The following LCP2 variants were observed in gnomAD, a reference collection of about 807,000 sequenced individuals.
LCP2 encodes the protein 76 kDa tyrosine phosphoprotein.
In LCP2, 29 loss-of-function variants were observed where a neutral mutation model predicts 74.5. The ratio of observed to expected loss-of-function variants is 0.39; its 90% CI spans 0.29 to 0.53. The LOEUF is 0.53. LCP2 is among the 20% of genes least tolerant of loss of function. LCP2 has a pLI of 0.72. For synonymous variants in LCP2, 228 were observed against 229.5 expected (o/e 0.99, Z 0.06); for missense variants, 604 against 634.6 (o/e 0.95, Z 0.52).
Position 170,246,281 on chromosome 5 carries a change from C to T in LCP2, c.*2416G>A, listed in dbSNP as rs1436717125. 23 of 559,830 alleles carry T rather than the reference C, an allele frequency of 4.1e-5. No homozygotes were observed. Among genetic ancestry groups the T allele is most frequent in the Middle Eastern group, 4.9e-4 (1 of 2,030 alleles). 34.7% of individuals were successfully genotyped at this position (559,830 alleles called of 1,614,324 possible). ...ATGTTTTGAAGAATGGCTTAACTTACGTCACTAATGGCAAGTGTATGACAT... is the reference window on the plus strand; with the variant it reads ...ATGTTTTGAAGAATGGCTTAACTTATGTCACTAATGGCAAGTGTATGACAT... On this transcript the variant is annotated 3_prime_UTR_variant, in exon 21 of 21. Coordinates refer to ENST00000046794, the MANE Select transcript of LCP2 (RefSeq NM_005565.5).
Position 170,260,342 on chromosome 5 carries a change from C to T in LCP2, c.957+765G>A, listed in dbSNP as rs993910612. On this transcript the variant is annotated intron_variant, in intron 14 of 20. Coordinates refer to ENST00000046794, the MANE Select transcript of LCP2 (RefSeq NM_005565.5). ...AGCACAGAGCTGCAAAAATAGCAGG[C>T]GCTTTTGGGCTGAGCCCTTGAATGA... 3.9e-5 allele frequency among the ~76,000 whole-genome samples: 6 copies of T among 152,292 alleles called. No homozygotes were observed. In the East Asian group the frequency reaches 5.8e-4, roughly 15 times the overall value.
In LCP2 at chr5:170,275,854, G is replaced by C. The variant is rs539631752; in HGVS notation, c.195C>G (p.Leu65=). ...QKFPKLRVPI[L]SKLSQEINKN... ...TGTTGATTTCCTGACTTAACTTACT[G>C]AGAATCCTGCAAGATAAAGAGACAG... is the stretch of plus-strand genomic sequence containing the variant. The change falls in exon 4 of 21, where the codon CTC becomes CTG. Residue 65 remains leucine (L), a synonymous_variant. Transcript: ENST00000046794. 5 of 1,570,192 alleles carry C rather than the reference G, an allele frequency of 3.2e-6. No homozygotes were observed. In the East Asian group the frequency reaches 1.2e-4, roughly 36 times the overall value.
intron 2 of LCP2, among the ~76,000 whole-genome samples, chr5:170,291,154 G>C (rs1762288362): frequency 6.9e-6 from 1 of 144,996 alleles, no homozygotes; most frequent in Non-Finnish European, 1.5e-5. Flanking sequence ...AAGGGGAGAG[G>C]GGAGGACAAG....
chr5:170,274,181 G>C, intron 6 of LCP2, 120 bp downstream of exon 6: 2 of 1,045,078 alleles, frequency 1.9e-6, no homozygotes, highest in Non-Finnish European at 2.9e-6. Flanking sequence ...TCTGGGCCCT[G>C]GGTGGGTGTG....
intron 1 of LCP2, among the ~76,000 whole-genome samples, chr5:170,296,638 C>T (rs1447013567): frequency 2.6e-5 from 4 of 152,250 alleles, no homozygotes; most frequent in East Asian, 1.9e-4. Flanking sequence ...CATCTTACCA[C>T]ATGGTCAGGG....
chr5:170,265,258 A>T (rs1353442284), intron 10 of LCP2, among the ~76,000 whole-genome samples: 1 of 152,114 alleles, frequency 6.6e-6, no homozygotes, highest in Non-Finnish European at 1.5e-5. Flanking sequence ...AAGTGCTGGG[A>T]TTACAGGCAT....
rs578099899 is a variant in LCP2 at position 170,264,742 on chromosome 5, C to A, written c.773-1750G>T. Among the ~76,000 whole-genome samples, 5 of 152,060 alleles carry A rather than the reference C, an allele frequency of 3.3e-5. No individual in the cohort carries two copies. In the East Asian group the frequency reaches 9.7e-4, roughly 30 times the overall value. Reference sequence around the variant, plus strand: ...TGACCCGAGGAGTTTGAGGCCGTAACGAGCTATGATGCTGTCACTGCACTC... The same window carrying A: ...TGACCCGAGGAGTTTGAGGCCGTAAAGAGCTATGATGCTGTCACTGCACTC... On this transcript the variant is annotated intron_variant, in intron 10 of 20. Transcript: ENST00000046794.
intron 7 of LCP2, 74 bp downstream of exon 7, chr5:170,270,645 T>C: frequency 7.3e-7 from 1 of 1,361,598 alleles, no homozygotes; most frequent in South Asian, 1.5e-5. Context: ...AGCTGGGGCA[T>C]CAGCCTTCCA....
At chr5:170,254,358 C>G (rs142650974) in intron 17 of LCP2, among the ~76,000 whole-genome samples, 2 of 152,192 alleles carry the variant, frequency 1.3e-5, no homozygotes, top group Non-Finnish European at 2.9e-5. Flanking sequence ...ATTGTCACTA[C>G]GTCTACCTTG....
intron 6 of LCP2, 187 bp downstream of exon 6, chr5:170,274,114 G>C (rs1026672359): frequency 3.4e-5 from 21 of 611,622 alleles, no homozygotes; most frequent in Non-Finnish European, 5.3e-5. Context: ...GAGACAGAGA[G>C]TGCATGGCTC....
intron 7 of LCP2, chr5:170,270,450 A>G (rs1305119232): frequency 1.3e-5 from 5 of 395,062 alleles, no homozygotes; most frequent in Non-Finnish European, 2.2e-5. Flanking sequence ...ATCAGCCACC[A>G]TAGGCAAGAA....
intron 2 of LCP2, among the ~76,000 whole-genome samples, chr5:170,289,657 CTTTCTT>C (rs1306911984): frequency 1.9e-4 from 22 of 118,544 alleles, no homozygotes; most frequent in African/African-American, 5.2e-4. Context: ...TTCTTTCTTT[CTTTCTT>C]TCTTTCTTTC....
chr5:170,262,995 G>A lies in LCP2; in HGVS notation c.773-3C>T. ...GTCAGAAAATGGTGGTTTCTTTCCT[G>A]TAAATGACAGAGAGCAGATGGGCCA... On this transcript the variant is annotated splice_polypyrimidine_tract_variant and splice_region_variant and intron_variant, in intron 10 of 20. Transcript: ENST00000046794. The A allele has an allele frequency of 6.2e-7, 1 of 1,613,806 alleles. No individual in the cohort carries two copies. The highest frequency in any genetic ancestry group is 8.5e-7 in the Non-Finnish European group (1 of 1,179,782).
rs56971866 is a variant in LCP2, at chr5:170,285,405, C to A, written c.188+2565G>T. 5.3e-3 allele frequency among the ~76,000 whole-genome samples: 801 copies of A among 152,110 alleles called. 6 individuals carry two copies. Among genetic ancestry groups the A allele is most frequent in the African/African-American group, 0.019 (769 of 41,490 alleles). On this transcript the variant is annotated intron_variant, in intron 3 of 20. Transcript: ENST00000046794. ...TTATATTTTCCTGCTCATTTGTGTG[C>A]CTGTTAGTCTCTGATTAGATGCCTA...
chr5:170,261,004 C>T, intron 14 of LCP2, 103 bp downstream of exon 14: 2 of 831,084 alleles, frequency 2.4e-6, no homozygotes, highest in Non-Finnish European at 4.1e-6. Context: ...GGACCTGCTC[C>T]AGGTTCTGGG....
At chr5:170,260,606 C>G (rs1761633828) in intron 14 of LCP2, among the ~76,000 whole-genome samples, 1 of 152,170 alleles carries the variant, frequency 6.6e-6, no homozygotes, top group South Asian at 2.1e-4. Flanking sequence ...GTTCTTGGGA[C>G]AGGGGACTTT....
At chr5:170,281,427 C>G (rs1051419105) in intron 3 of LCP2, among the ~76,000 whole-genome samples, 1 of 152,102 alleles carries the variant, frequency 6.6e-6, no homozygotes, top group Admixed American at 6.5e-5. Flanking sequence ...CTACAGGTGC[C>G]TGCCACCACA....
chr5:170,260,472 C>G (rs1464416300), intron 14 of LCP2, among the ~76,000 whole-genome samples: 3 of 152,212 alleles, frequency 2.0e-5, no homozygotes, highest in Non-Finnish European at 4.4e-5. Context: ...CAAAGAGTAT[C>G]TTATTCCTTC....
Position 170,256,387 on chromosome 5 carries a change from C to T in LCP2, c.1150+139G>A, listed in dbSNP as rs530880591. 5.9e-5 allele frequency: 42 copies of T among 717,052 alleles called. No individual in the cohort carries two copies. Among genetic ancestry groups the T allele is most frequent in the African/African-American group, 2.1e-4 (12 of 56,504 alleles). The allele number at this position is 717,052 out of a possible 1,614,324, so 44.4% of individuals were successfully genotyped here. A position where few individuals can be genotyped will look rare whatever the true frequency, so the allele number is the denominator to read the frequency against. On this transcript the variant is annotated intron_variant, in intron 17 of 20. Coordinates refer to ENST00000046794, the MANE Select transcript of LCP2 (RefSeq NM_005565.5). This position sits in a 1 kb window ranked among gnomAD's most constrained non-coding sequence, Gnocchi z 4.5. ...GACAGCCCTTGGCACACTGCAGACA[C>T]GGAATTAAATGTTGAATGAGGAAAT...
Sources: allele counts gnomAD v4.1 joint callset (sites outside exome capture counted in the v4.1 genomes callset), GRCh38; gene constraint gnomAD v4.1.1; non-coding constraint Gnocchi (gnomAD v3.1); transcripts MANE v1.5; gene names NCBI Gene and HGNC (gene_info 2026-07-23, HGNC 2026-07-21).